Variants in CNTNAP5 observed in about 807,000 individuals in gnomAD.
CNTNAP5 encodes contactin-associated protein-like 5.
A neutral mutation model predicts 150.2 loss-of-function variants in CNTNAP5; 72 were observed. That is an observed-to-expected ratio of 0.48 (90% CI 0.40 to 0.58). The LOEUF is 0.58. CNTNAP5 is among the 20% of genes least tolerant of loss of function. The pLI, the probability that CNTNAP5 is intolerant of heterozygous loss-of-function variation, is 0.00. For missense variants in CNTNAP5, 1,636 were observed against 1,626.2 expected (o/e 1.01, Z -0.10); for synonymous variants, 672 against 619.8 (o/e 1.08, Z -1.25).
Position 124,213,852 on chromosome 2 carries a change from A to G in CNTNAP5, c.83-7853A>G, listed in dbSNP as rs140302583. On this transcript the variant is annotated intron_variant, in intron 1 of 23. Transcript: ENST00000682447. ...AGAAGAAATCAATTTAGGGAAGGGT[A>G]TTTCAGAGCTGTTGAGTTTGGGCTC... Among the ~76,000 whole-genome samples, 368 of 152,314 alleles carry G rather than the reference A, an allele frequency of 2.4e-3. 1 individual carries two copies. Among genetic ancestry groups the G allele is most frequent in the African/African-American group, 8.5e-3 (352 of 41,570 alleles).
chr2:124,095,290 A>G (rs2104690348), intron 1 of CNTNAP5, among the ~76,000 whole-genome samples: 1 of 152,314 alleles, frequency 6.6e-6, no homozygotes, highest in South Asian at 2.1e-4. Context: ...CGGGAGTTGA[A>G]CAACGAGAAC....
At chr2:124,910,017 C>A (rs1261588557) in intron 22 of CNTNAP5, among the ~76,000 whole-genome samples, 2 of 151,626 alleles carry the variant, frequency 1.3e-5, no homozygotes. Flanking sequence ...TCTTTAATTA[C>A]AATACCCTTC....
At chr2:124,210,988 T>C (rs1685996298) in intron 1 of CNTNAP5, among the ~76,000 whole-genome samples, 1 of 152,218 alleles carries the variant, frequency 6.6e-6, no homozygotes, top group African/African-American at 2.4e-5. Context: ...CACCAGGTTA[T>C]GTATCAGATA....
intron 1 of CNTNAP5, among the ~76,000 whole-genome samples, chr2:124,139,542 C>T (rs1247618392): frequency 6.6e-6 from 1 of 152,014 alleles, no homozygotes; most frequent in African/African-American, 2.4e-5. Context: ...AAGAGAGTCT[C>T]GGGAAAGAGG....
chr2:124,683,559 A>G (rs1274109377), intron 13 of CNTNAP5, among the ~76,000 whole-genome samples: 2 of 152,058 alleles, frequency 1.3e-5, no homozygotes, highest in African/African-American at 2.4e-5. Context: ...CCTTGAGTCC[A>G]CAAAGTCCAT....
At chr2:124,349,100 A>G (rs1165247784) in intron 3 of CNTNAP5, among the ~76,000 whole-genome samples, 1 of 152,184 alleles carries the variant, frequency 6.6e-6, no homozygotes, top group African/African-American at 2.4e-5. Context: ...AAATATAGTC[A>G]TGTCACTCAC....
chr2:124,522,744 A>T lies in CNTNAP5; in HGVS notation c.1328-1559A>T, dbSNP rs6758600. On this transcript the variant is annotated intron_variant, in intron 8 of 23. Transcript: ENST00000682447. ...TTGGATCCTCTTTCTAGCTGCCTTC[A>T]TATTGTCATCTCCTGCTTCTCAGTC... is the stretch of plus-strand genomic sequence containing the variant. Among the ~76,000 whole-genome samples the T allele has an allele frequency of 7.8e-3, 1,185 of 152,288 alleles. 16 individuals carry two copies. Among genetic ancestry groups the T allele is most frequent in the African/African-American group, 0.027 (1,112 of 41,550 alleles).
chr2:124,523,671 A>G (rs373197513), intron 8 of CNTNAP5, among the ~76,000 whole-genome samples: 1 of 152,190 alleles, frequency 6.6e-6, no homozygotes, highest in South Asian at 2.1e-4. Flanking sequence ...AATAATAAGG[A>G]ATAGGAATCA....
chr2:124,545,332 G>A (rs1045961740), intron 10 of CNTNAP5, among the ~76,000 whole-genome samples: 7 of 152,010 alleles, frequency 4.6e-5, no homozygotes, highest in South Asian at 2.1e-4. Flanking sequence ...ATGTGAGTTC[G>A]TTTTCTAGGG....
At chr2:124,858,640 T>A (rs1677436597) in intron 19 of CNTNAP5, among the ~76,000 whole-genome samples, 1 of 152,162 alleles carries the variant, frequency 6.6e-6, no homozygotes, top group African/African-American at 2.4e-5. Context: ...ATACTTAAAG[T>A]AATGGGTTAT....
In CNTNAP5 at chr2:124,474,939, G is replaced by A. The variant is rs562170612; in HGVS notation, c.1062+57G>A. 578 of 1,460,938 alleles carry A rather than the reference G, an allele frequency of 4.0e-4. 2 individuals carry two copies. The African/African-American group carries it at 7.0e-3, about 18-fold the overall frequency. The allele number at this position is 1,460,938 out of a possible 1,614,324, so 90.5% of individuals were successfully genotyped here. A position where few individuals can be genotyped will look rare whatever the true frequency, so the allele number is the denominator to read the frequency against. On this transcript the variant is annotated intron_variant, in intron 7 of 23. Coordinates refer to ENST00000682447, the MANE Select transcript of CNTNAP5 (RefSeq NM_001367498.1). ...TTTCTACCACTTTGGGGTAAGTCTT[G>A]CTTTCACCAGCCCATTCCTGAACCC... is the stretch of plus-strand genomic sequence containing the variant.
intron 1 of CNTNAP5, among the ~76,000 whole-genome samples, chr2:124,188,635 C>A (rs191599694): frequency 6.9e-6 from 1 of 144,774 alleles, no homozygotes. Flanking sequence ...AGGAGAATGG[C>A]GTGAACCCAG....
intron 8 of CNTNAP5, among the ~76,000 whole-genome samples, chr2:124,513,841 G>T (rs950491868): frequency 1.3e-5 from 2 of 152,148 alleles, no homozygotes; most frequent in Non-Finnish European, 2.9e-5. Flanking sequence ...AATGCTGGCA[G>T]CCAGGTGGTT....
chr2:124,496,656 G>T lies in CNTNAP5; in HGVS notation c.1063-7636G>T, dbSNP rs60406972. On this transcript the variant is annotated intron_variant, in intron 7 of 23. Coordinates refer to ENST00000682447, the MANE Select transcript of CNTNAP5 (RefSeq NM_001367498.1). ...CCAAGCTAAGCAGAACTTCAAGCTGGGCCTGCTGTATTCTCTTCAGGTCTT... is the reference window on the plus strand; with the variant it reads ...CCAAGCTAAGCAGAACTTCAAGCTGTGCCTGCTGTATTCTCTTCAGGTCTT... Among the ~76,000 whole-genome samples the T allele has an allele frequency of 2.8e-3, 423 of 152,262 alleles. 5 individuals are homozygous for T. The East Asian group carries it at 0.041, about 15-fold the overall frequency.
chr2:124,078,250 CTG>C (rs530506621), intron 1 of CNTNAP5, among the ~76,000 whole-genome samples: 122 of 152,214 alleles, frequency 8.0e-4, no homozygotes, highest in African/African-American at 2.8e-3. Context: ...GAATAGAAGA[CTG>C]TTATTTTTAT....
At chr2:124,039,611 T>C (rs967713637) in intron 1 of CNTNAP5, among the ~76,000 whole-genome samples, 1 of 152,188 alleles carries the variant, frequency 6.6e-6, no homozygotes, top group East Asian at 1.9e-4. Flanking sequence ...GATTCAGTCT[T>C]CATTTCTGAT....
intron 3 of CNTNAP5, among the ~76,000 whole-genome samples, chr2:124,255,126 A>C (rs924035388): frequency 2.6e-5 from 4 of 152,150 alleles, no homozygotes; most frequent in Non-Finnish European, 5.9e-5. Context: ...GGTGGCATGC[A>C]CCTGTAATCT....
chr2:124,163,076 A>G (rs766166088), intron 1 of CNTNAP5, among the ~76,000 whole-genome samples: 3 of 152,138 alleles, frequency 2.0e-5, no homozygotes, highest in Non-Finnish European at 4.4e-5. Flanking sequence ...TACGACCATT[A>G]AAGACTTAGA....
intron 11 of CNTNAP5, among the ~76,000 whole-genome samples, chr2:124,574,202 C>T (rs1037235095): frequency 7.2e-5 from 11 of 152,090 alleles, no homozygotes; most frequent in Non-Finnish European, 1.5e-4. Flanking sequence ...GCGGGGGGGA[C>T]GGGGGATACT....
Sources: gnomAD v4.1 joint callset for allele counts (sites outside exome capture counted in the v4.1 genomes callset) on GRCh38, gnomAD v4.1.1 for gene constraint, MANE v1.5 for transcripts, NCBI Gene and HGNC (gene_info 2026-07-23, HGNC 2026-07-21) for gene names.